Variants in CNTN5 observed in about 807,000 individuals in gnomAD.
CNTN5 encodes the protein contactin 5.
A neutral mutation model predicts 129.1 loss-of-function variants in CNTN5; 77 were observed. That is an observed-to-expected ratio of 0.60 (90% CI 0.50 to 0.72). The LOEUF is 0.72. Among genes scored for constraint, CNTN5 ranks in the 30% least tolerant of loss-of-function variants. CNTN5 has a pLI of 0.00. For synonymous variants in CNTN5, 509 were observed against 465.6 expected (o/e 1.09, Z -1.20); for missense variants, 1,478 against 1,328.8 (o/e 1.11, Z -1.75).
chr11:99,344,181 A>G (rs1045693275), intron 2 of CNTN5, among the ~76,000 whole-genome samples: 2 of 152,188 alleles, frequency 1.3e-5, no homozygotes, highest in African/African-American at 4.8e-5. Context: ...TAAGAGCTTT[A>G]TAAGGTAGGA....
At chr11:100,266,558 T>C (rs1363774346) in intron 17 of CNTN5, among the ~76,000 whole-genome samples, 3 of 151,712 alleles carry the variant, frequency 2.0e-5, no homozygotes, top group East Asian at 1.9e-4. Flanking sequence ...CCAAAAATAA[T>C]AATACCTTCA....
chr11:99,704,182 G>C (rs1252979986), intron 3 of CNTN5, among the ~76,000 whole-genome samples: 1 of 150,654 alleles, frequency 6.6e-6, no homozygotes, highest in Non-Finnish European at 1.5e-5. Flanking sequence ...ATACTGTTTT[G>C]TGCAACATTT....
chr11:99,681,091 A>T (rs1953530525), intron 3 of CNTN5, among the ~76,000 whole-genome samples: 1 of 152,084 alleles, frequency 6.6e-6, no homozygotes, highest in Non-Finnish European at 1.5e-5. Context: ...CTACAATCTC[A>T]TGATAAAACT....
chr11:99,819,540 A>T lies in CNTN5; in HGVS notation c.56-4A>T. The T allele has an allele frequency of 6.3e-7, 1 of 1,599,578 alleles. No homozygotes were observed. Among genetic ancestry groups the T allele is most frequent in the Non-Finnish European group, 8.6e-7 (1 of 1,168,514 alleles). On this transcript the variant is annotated splice_region_variant and splice_polypyrimidine_tract_variant and intron_variant, in intron 3 of 24. Transcript: ENST00000524871. Reference sequence around the variant, plus strand: ...CAGATTTTATTATATTTTTTCTCTTACAGAGTATTCAAAATCTCTTCCTGG... The same window carrying T: ...CAGATTTTATTATATTTTTTCTCTTTCAGAGTATTCAAAATCTCTTCCTGG...
In CNTN5 at chr11:99,117,892, G is replaced by A. The variant is rs191614417; in HGVS notation, c.-210+96622G>A. Among the ~76,000 whole-genome samples, 137 of 152,260 alleles carry A rather than the reference G, an allele frequency of 9.0e-4. 1 individual carries two copies. The highest frequency in any genetic ancestry group is 3.2e-3 in the African/African-American group (134 of 41,548). Reference sequence around the variant, plus strand: ...GACCTCCCAGTCTCCAGAACTGTGGGAAATAAATGTTGTTTAAGCCATCCA... The same window carrying A: ...GACCTCCCAGTCTCCAGAACTGTGGAAAATAAATGTTGTTTAAGCCATCCA... On this transcript the variant is annotated intron_variant, in intron 1 of 24. Transcript: ENST00000524871.
intron 6 of CNTN5, among the ~76,000 whole-genome samples, chr11:99,883,004 A>G (rs983677190): frequency 6.6e-6 from 1 of 152,170 alleles, no homozygotes; most frequent in Admixed American, 6.6e-5. Context: ...TTCACTTAAC[A>G]TAACAACCTC....
chr11:99,645,482 A>G (rs1042215761), intron 3 of CNTN5, among the ~76,000 whole-genome samples: 1 of 151,944 alleles, frequency 6.6e-6, no homozygotes, highest in African/African-American at 2.4e-5. Context: ...TCATTCTACT[A>G]TAAAGACATA....
intron 9 of CNTN5, among the ~76,000 whole-genome samples, chr11:100,036,435 T>C (rs1423378518): frequency 7.2e-5 from 11 of 151,844 alleles, no homozygotes; most frequent in Non-Finnish European, 1.0e-4. Flanking sequence ...GGCTTAGGAT[T>C]GACTTGGCGA....
chr11:99,608,211 A>C (rs1004876222), intron 3 of CNTN5, among the ~76,000 whole-genome samples: 4 of 152,130 alleles, frequency 2.6e-5, no homozygotes, highest in Non-Finnish European at 5.9e-5. Flanking sequence ...TAAAATGTTT[A>C]ATAAATATGT....
Position 99,625,561 on chromosome 11 carries a change from T to C in CNTN5, c.55+69292T>C, listed in dbSNP as rs192913554. ...ACAACTGTACCAAAGGGTTTCTTAA[T>C]TAATGACCAAAATACATTAAGATAT... On this transcript the variant is annotated intron_variant, in intron 3 of 24. Transcript: ENST00000524871. Among the ~76,000 whole-genome samples the C allele has an allele frequency of 2.2e-3, 338 of 152,306 alleles. 1 individual carries two copies. The highest frequency in any genetic ancestry group is 7.4e-3 in the African/African-American group (308 of 41,572).
chr11:99,357,120 C>A (rs193074871), intron 2 of CNTN5, among the ~76,000 whole-genome samples: 24 of 152,208 alleles, frequency 1.6e-4, no homozygotes, highest in African/African-American at 5.8e-4. Flanking sequence ...AAATAAAGAG[C>A]CTAAGGAATT....
intron 4 of CNTN5, among the ~76,000 whole-genome samples, chr11:99,838,566 G>T (rs1243002175): frequency 6.6e-6 from 1 of 152,114 alleles, no homozygotes; most frequent in Non-Finnish European, 1.5e-5. Flanking sequence ...TAGCTGGGAG[G>T]TTCTGGCTCT....
At chr11:99,377,698 A>G (rs1349737596) in intron 2 of CNTN5, among the ~76,000 whole-genome samples, 1 of 152,112 alleles carries the variant, frequency 6.6e-6, no homozygotes, top group Non-Finnish European at 1.5e-5. Flanking sequence ...AGTGCTACAT[A>G]TTATTTCCTC....
chr11:99,236,289 T>A (rs887775353), intron 1 of CNTN5, among the ~76,000 whole-genome samples: 3 of 152,188 alleles, frequency 2.0e-5, no homozygotes, highest in African/African-American at 7.2e-5. Flanking sequence ...TCTCCTTGAA[T>A]GTTCCCTCTC....
intron 9 of CNTN5, among the ~76,000 whole-genome samples, chr11:100,007,054 A>C (rs1300034573): frequency 6.6e-6 from 1 of 152,028 alleles, no homozygotes; most frequent in Non-Finnish European, 1.5e-5. Flanking sequence ...CGCTAATGAG[A>C]TGCATTGTCA....
intron 4 of CNTN5, among the ~76,000 whole-genome samples, chr11:99,832,666 A>T (rs1487100609): frequency 2.0e-5 from 3 of 152,122 alleles, no homozygotes; most frequent in East Asian, 1.9e-4. Flanking sequence ...TGGTGCAAAA[A>T]TTTTTCTCAC....
At chr11:99,669,386 A>G (rs1289326428) in intron 3 of CNTN5, among the ~76,000 whole-genome samples, 1 of 152,000 alleles carries the variant, frequency 6.6e-6, no homozygotes. Context: ...ATTTCAAACT[A>G]AATAGGAAAG....
intron 1 of CNTN5, among the ~76,000 whole-genome samples, chr11:99,058,122 G>A (rs1354385384): frequency 2.6e-5 from 4 of 151,964 alleles, no homozygotes; most frequent in African/African-American, 9.7e-5. Flanking sequence ...AAATTCGGAA[G>A]TTACTATAAA....
chr11:99,888,853 G>A (rs183963897), intron 6 of CNTN5, among the ~76,000 whole-genome samples: 6 of 152,294 alleles, frequency 3.9e-5, no homozygotes, highest in East Asian at 1.9e-4. Context: ...ACATTACTGC[G>A]TGACGCAGGG....
Sources: allele counts gnomAD v4.1 joint callset (sites outside exome capture counted in the v4.1 genomes callset), GRCh38; gene constraint gnomAD v4.1.1; transcripts MANE v1.5; gene names NCBI Gene and HGNC (gene_info 2026-07-23, HGNC 2026-07-21).